Variants in ADORA2B observed in about 807,000 individuals in gnomAD.
ADORA2B encodes the protein adenosine receptor A2b.
In ADORA2B, 18 loss-of-function variants were observed where a neutral mutation model predicts 20.8. That is an observed-to-expected ratio of 0.87 (90% CI 0.60 to 1.29). The LOEUF (loss-of-function observed/expected upper bound fraction) is 1.29. Among genes scored for constraint, ADORA2B ranks in the 50% most tolerant of loss-of-function variants. ADORA2B has a pLI of 0.00. For missense variants in ADORA2B, 441 were observed against 422.7 expected (o/e 1.04, Z -0.38); for synonymous variants, 179 against 178.3 (o/e 1.00, Z -0.03).
At chr17:15,883,023 C>T in the ADORA2B span, among the ~76,000 whole-genome samples, 5 of 132,682 alleles carry the variant, frequency 3.8e-5, no homozygotes, top group Non-Finnish European at 6.4e-5. Context: ...CTGCACTGAG[C>T]ATTTTTTCCA....
the ADORA2B span, among the ~76,000 whole-genome samples, chr17:15,915,359 C>G: frequency 6.6e-6 from 1 of 152,238 alleles, no homozygotes; most frequent in African/African-American, 2.4e-5. Flanking sequence ...TGCAAGGTCT[C>G]TAACCTTAAT....
At chr17:15,876,957 A>G in the ADORA2B span, among the ~76,000 whole-genome samples, 1 of 152,178 alleles carries the variant, frequency 6.6e-6, no homozygotes, top group East Asian at 1.9e-4. Flanking sequence ...TTGTATCACT[A>G]TGAATTTGAC....
chr17:15,971,706 C>G (rs116706517), intron 1 of ADORA2B, among the ~76,000 whole-genome samples: 5 of 145,734 alleles, frequency 3.4e-5, no homozygotes, highest in South Asian at 2.2e-4. Flanking sequence ...GATCTCGGCT[C>G]ACTGCATCCT....
At chr17:15,883,951 C>T in the ADORA2B span, among the ~76,000 whole-genome samples, 1 of 152,194 alleles carries the variant, frequency 6.6e-6, no homozygotes, top group Non-Finnish European at 1.5e-5. Context: ...ACGACATTGT[C>T]TAAGTGCATT....
chr17:15,942,777 T>C (rs1310778361), upstream of ADORA2B, among the ~76,000 whole-genome samples: 1 of 152,248 alleles, frequency 6.6e-6, no homozygotes, highest in African/African-American at 2.4e-5. Context: ...CCCAGCAGGA[T>C]GGCCCAGCTC....
At chr17:15,890,762 T>C in the ADORA2B span, among the ~76,000 whole-genome samples, 2 of 152,046 alleles carry the variant, frequency 1.3e-5, no homozygotes, top group East Asian at 3.9e-4. Context: ...GCAGCCCCAC[T>C]GGCTAAGAAG....
the ADORA2B span, among the ~76,000 whole-genome samples, chr17:15,852,412 A>G: frequency 0.081 from 12,352 of 152,128 alleles, 1,375 homozygotes; most frequent in African/African-American, 0.25. Flanking sequence ...TCAGAAATAA[A>G]TACTCTTTGA....
the ADORA2B span, among the ~76,000 whole-genome samples, chr17:15,899,888 GT>G: frequency 6.6e-6 from 1 of 151,512 alleles, no homozygotes; most frequent in South Asian, 2.1e-4. Flanking sequence ...CTGGGGTGCA[GT>G]GGCGTGATTC....
At chr17:15,873,159 A>G in the ADORA2B span, among the ~76,000 whole-genome samples, 2 of 152,220 alleles carry the variant, frequency 1.3e-5, no homozygotes, top group Non-Finnish European at 2.9e-5. Context: ...TATTGAGATG[A>G]TCATATGGTT....
the ADORA2B span, among the ~76,000 whole-genome samples, chr17:15,897,824 A>G: frequency 7.9e-5 from 12 of 152,154 alleles, no homozygotes; most frequent in African/African-American, 2.2e-4. Flanking sequence ...CTCTTTCACT[A>G]TTTCACTATT....
chr17:15,954,038 GTGCAATCTCACCTCAC>G (rs1235454703), intron 1 of ADORA2B, among the ~76,000 whole-genome samples: 2 of 151,898 alleles, frequency 1.3e-5, no homozygotes, highest in African/African-American at 4.8e-5. Context: ...GAGTGCAGTG[GTGCAATCTCACCTCAC>G]TGCAACCTCC....
chr17:15,947,512 T>C (rs1567776174), intron 1 of ADORA2B, among the ~76,000 whole-genome samples: 1 of 152,232 alleles, frequency 6.6e-6, no homozygotes, highest in African/African-American at 2.4e-5. Flanking sequence ...TTCTTTGCAT[T>C]GCCAAGGGCA....
the ADORA2B span, among the ~76,000 whole-genome samples, chr17:15,867,884 A>AT: frequency 6.6e-6 from 1 of 152,098 alleles, no homozygotes; most frequent in Non-Finnish European, 1.5e-5. Context: ...TCAACAGCTC[A>AT]TTGAGAACGG....
intron 1 of ADORA2B, among the ~76,000 whole-genome samples, chr17:15,964,832 T>C (rs376533062): frequency 0.042 from 6,294 of 149,898 alleles, 393 homozygotes; most frequent in African/African-American, 0.13. Context: ...GAGGCCAAGG[T>C]GGGCGAATCA....
Position 15,945,470 on chromosome 17 carries a change from C to G in ADORA2B, c.222C>G (p.Asp74Glu). 6.2e-7 allele frequency: 1 copy of G among 1,613,360 alleles called. No individual in the cohort carries two copies. Among genetic ancestry groups the G allele is most frequent in the Non-Finnish European group, 8.5e-7 (1 of 1,179,918 alleles). The stretch of plus-strand genomic sequence containing the variant: ...CCATCAGCCTGGGCTTCTGCACTGA[C>G]TTCTACGGCTGCCTCTTCCTCGCCT... Reference protein sequence around the residue: ...AITISLGFCTDFYGCLFLACF... With the variant: ...AITISLGFCTEFYGCLFLACF... Residue 74 changes from aspartate (D) to glutamate (E), a missense_variant, in exon 1 of 2, where the codon GAC becomes GAG. Asp to Glu is a conservative substitution (Grantham distance 45). Transcript: ENST00000304222.
the ADORA2B span, among the ~76,000 whole-genome samples, chr17:15,895,529 G>A: frequency 6.6e-6 from 1 of 152,118 alleles, no homozygotes; most frequent in African/African-American, 2.4e-5. Context: ...AAATCTGGGG[G>A]TCGTCCATGA....
intron 1 of ADORA2B, among the ~76,000 whole-genome samples, chr17:15,946,981 T>C (rs529110900): frequency 6.6e-6 from 1 of 152,208 alleles, no homozygotes; most frequent in East Asian, 1.9e-4. Context: ...TAGGCAGATG[T>C]GTTGGGCCTG....
At chr17:15,899,725 T>C in the ADORA2B span, among the ~76,000 whole-genome samples, 243 of 152,352 alleles carry the variant, frequency 1.6e-3, 1 homozygote, top group African/African-American at 5.5e-3. Context: ...GTGGGTTAGC[T>C]TAGGATTATG....
the ADORA2B span, among the ~76,000 whole-genome samples, chr17:15,894,290 C>A: frequency 1.3e-5 from 2 of 152,122 alleles, no homozygotes; most frequent in Non-Finnish European, 2.9e-5. Flanking sequence ...AAGGATAAGT[C>A]GTCAAAGAGC....
Sources: allele counts gnomAD v4.1 joint callset (sites outside exome capture counted in the v4.1 genomes callset), GRCh38; gene constraint gnomAD v4.1.1; transcripts MANE v1.5; gene names NCBI Gene and HGNC (gene_info 2026-07-23, HGNC 2026-07-21).